Variants in N4BP2L2 observed in about 807,000 individuals in gnomAD.
N4BP2L2 encodes NEDD4-binding protein 2-like 2.
N4BP2L2 carries 50 observed loss-of-function variants against 56.2 expected under a neutral mutation model. The ratio of observed to expected loss-of-function variants is 0.89; its 90% CI spans 0.71 to 1.13. The LOEUF is 1.13. Ranked by LOEUF, N4BP2L2 falls within the 50% of genes most tolerant of loss-of-function variation. N4BP2L2 has a pLI of 0.00. For missense variants in N4BP2L2, 689 were observed against 693.8 expected, an observed-to-expected ratio of 0.99 and a Z score of 0.08; for synonymous variants, 203 against 223.6, an observed-to-expected ratio of 0.91 and a Z score of 0.82.
At chr13:32,441,455 G>C (rs1230576910) in intron 7 of N4BP2L2, among the ~76,000 whole-genome samples, 1 of 151,766 alleles carries the variant, frequency 6.6e-6, no homozygotes, top group African/African-American at 2.4e-5. Flanking sequence ...AGGCTGAGGC[G>C]GGTAGATCAC....
chr13:32,433,796 T>C (rs1173777974), intron 9 of N4BP2L2, among the ~76,000 whole-genome samples: 1 of 150,718 alleles, frequency 6.6e-6, no homozygotes, highest in Non-Finnish European at 1.5e-5. Context: ...CTGGGCATGG[T>C]GGCGGGCGCC....
intron 6 of N4BP2L2, among the ~76,000 whole-genome samples, chr13:32,472,454 AAC>A (rs1340620800): frequency 1.2e-4 from 18 of 152,222 alleles, no homozygotes; most frequent in South Asian, 8.3e-4. Flanking sequence ...AAGCATGAAG[AAC>A]AGTTTCTTTT....
At chr13:32,507,361 T>C (rs1348689211), downstream of N4BP2L2, 4 of 152,214 alleles carry the variant, frequency 2.6e-5, no homozygotes, top group East Asian at 7.7e-4. Context: ...GGGGTCAATA[T>C]TGTTAATAGA....
At chr13:32,528,103 G>C (rs2053608330) in intron 2 of N4BP2L2, among the ~76,000 whole-genome samples, 1 of 152,076 alleles carries the variant, frequency 6.6e-6, no homozygotes, top group African/African-American at 2.4e-5. Flanking sequence ...CATTTGTATT[G>C]CAACTTTTTA....
chr13:32,525,415 G>C (rs941671619), intron 3 of N4BP2L2: 1 of 152,178 alleles, frequency 6.6e-6, no homozygotes, highest in African/African-American at 2.4e-5. Context: ...ACTATAAATT[G>C]TAACAGCGTG....
intron 2 of N4BP2L2, 28 bp from the exon 3 acceptor site, chr13:32,527,560 C>G (rs764451986): frequency 6.2e-7 from 1 of 1,603,768 alleles, no homozygotes; most frequent in Non-Finnish European, 8.5e-7. Flanking sequence ...CATAAAGGTG[C>G]CATTTACAAA....
At chr13:32,517,612 C>A in exon 6 of N4BP2L2, 1 of 1,378,422 alleles carries the variant, frequency 7.3e-7, no homozygotes, top group Non-Finnish European at 9.4e-7. Context: ...AATATAAAAA[C>A]ATTTAAAATA....
At chr13:32,500,710 C>T (rs1464232285) in intron 6 of N4BP2L2, among the ~76,000 whole-genome samples, 6 of 148,186 alleles carry the variant, frequency 4.0e-5, no homozygotes, top group South Asian at 2.1e-4. Flanking sequence ...AGACGGAAAC[C>T]GTGTCTCAAA....
At chr13:32,504,072 C>T (rs939493580) in intron 6 of N4BP2L2, among the ~76,000 whole-genome samples, 1 of 152,124 alleles carries the variant, frequency 6.6e-6, no homozygotes, top group Non-Finnish European at 1.5e-5. Flanking sequence ...GTATGTAAAA[C>T]TCCAAAAATT....
At chr13:32,492,915 T>TC (rs2087518551) in intron 6 of N4BP2L2, among the ~76,000 whole-genome samples, 1 of 105,274 alleles carries the variant, frequency 9.5e-6, no homozygotes, top group Non-Finnish European at 2.1e-5. Flanking sequence ...GTAGCTTTTC[T>TC]GTTTTTTTTT....
chr13:32,513,176 T>C (rs1306149662), exon 6 of N4BP2L2: 1 of 152,240 alleles, frequency 6.6e-6, no homozygotes, highest in Non-Finnish European at 1.5e-5. Flanking sequence ...TTTTCTGAAC[T>C]TAGTTGCCAA....
At chr13:32,471,996 C>A (rs1431750469) in intron 6 of N4BP2L2, among the ~76,000 whole-genome samples, 1 of 152,226 alleles carries the variant, frequency 6.6e-6, no homozygotes, top group Non-Finnish European at 1.5e-5. Flanking sequence ...TTTAATCAAG[C>A]CTCTCTCTAG....
At chr13:32,524,709 TTAAC>T (rs2052145628) in intron 3 of N4BP2L2, 3 of 152,224 alleles carry the variant, frequency 2.0e-5, no homozygotes, top group Admixed American at 1.3e-4. Flanking sequence ...GGAAGTATAA[TTAAC>T]ATAATTCAAA....
chr13:32,457,168 ATAAC>A (rs754779262), intron 6 of N4BP2L2, among the ~76,000 whole-genome samples: 17 of 152,262 alleles, frequency 1.1e-4, no homozygotes, highest in Non-Finnish European at 2.2e-4. Flanking sequence ...AATCAAACCA[ATAAC>A]TAACTAAATA....
chr13:32,462,873 A>T (rs1221083471), intron 6 of N4BP2L2, among the ~76,000 whole-genome samples: 2 of 130,562 alleles, frequency 1.5e-5, no homozygotes, highest in African/African-American at 6.7e-5. Context: ...AAAAAAAAAA[A>T]AAAAAAAAAA....
At chr13:32,526,316 A>G (rs1028279297) in intron 3 of N4BP2L2, among the ~76,000 whole-genome samples, 2 of 152,234 alleles carry the variant, frequency 1.3e-5, no homozygotes, top group Admixed American at 6.5e-5. Flanking sequence ...ATAACTGTGA[A>G]GAGATTTTTT....
exon 7 of N4BP2L2, chr13:32,443,010 T>C (rs2076585169): frequency 6.2e-7 from 1 of 1,613,634 alleles, no homozygotes; most frequent in South Asian, 1.1e-5. Context: ...CCCTTTCTTT[T>C]ACACCGATAC....
At chr13:32,532,582 T>C (rs1032325324) in intron 2 of N4BP2L2, among the ~76,000 whole-genome samples, 4 of 146,810 alleles carry the variant, frequency 2.7e-5, no homozygotes, top group African/African-American at 1.1e-4. Context: ...GATTCTCTTT[T>C]CTTTTTTCTT....
At chr13:32,519,325 C>T (rs890901932) in intron 5 of N4BP2L2, among the ~76,000 whole-genome samples, 5 of 151,486 alleles carry the variant, frequency 3.3e-5, no homozygotes, top group African/African-American at 4.9e-5. Context: ...GGGTAGATCG[C>T]TTGAGTCCAG....
Sources: allele counts gnomAD v4.1 joint callset (sites outside exome capture counted in the v4.1 genomes callset), GRCh38; gene constraint gnomAD v4.1.1; transcripts MANE v1.5; gene names NCBI Gene and HGNC (gene_info 2026-07-23, HGNC 2026-07-21).